The following TENM2 variants were observed in gnomAD, a reference collection of about 807,000 sequenced individuals.
TENM2 encodes teneurin-2.
Under a neutral mutation model 245.2 loss-of-function variants are expected in TENM2, and 52 were observed. That is an observed-to-expected ratio of 0.21 (90% CI 0.17 to 0.27). TENM2 has a LOEUF of 0.27. Ranked by LOEUF, TENM2 falls within the 10% of genes least tolerant of loss-of-function variation. The pLI, the probability that TENM2 is intolerant of heterozygous loss-of-function variation, is 1.00. For missense variants in TENM2, 3,046 were observed against 3,666.8 expected, an observed-to-expected ratio of 0.83 and a Z score of 4.37; for synonymous variants, 1,363 against 1,438.9, an observed-to-expected ratio of 0.95 and a Z score of 1.19.
At position 167,362,690 on chromosome 5, in the gene TENM2, G is replaced by A. The variant is rs1759788705; in HGVS notation, c.227-12508G>A. On this transcript the variant is annotated intron_variant, in intron 1 of 28. Transcript: ENST00000518659. ...TCTCTACTGATATATCATACTTTTT[G>A]TATTTTTATGGAAAAGTAAGATATT... Among the ~76,000 whole-genome samples, 3 of 152,018 alleles carry A rather than the reference G, an allele frequency of 2.0e-5. No homozygotes were observed. In the South Asian group the frequency reaches 6.2e-4, roughly 31 times the overall value.
chr5:167,851,643 A>G (rs1258390801), intron 2 of TENM2, among the ~76,000 whole-genome samples: 3 of 152,220 alleles, frequency 2.0e-5, no homozygotes, highest in Admixed American at 1.3e-4. Context: ...GATTGAGGAC[A>G]TTCCTGTCTT....
chr5:168,151,027 C>A (rs1259690695), intron 12 of TENM2, among the ~76,000 whole-genome samples: 4 of 152,174 alleles, frequency 2.6e-5, no homozygotes, highest in Admixed American at 1.3e-4. Flanking sequence ...TCAAGCCGGA[C>A]ACTCTCACCC....
intron 1 of TENM2, among the ~76,000 whole-genome samples, chr5:167,363,155 C>G (rs1759815733): frequency 6.6e-6 from 1 of 152,140 alleles, no homozygotes; most frequent in African/African-American, 2.4e-5. Context: ...AGTCAGAAAT[C>G]TGAGCATTGA....
chr5:168,256,055 C>G (rs1767625395), intron 27 of TENM2, among the ~76,000 whole-genome samples: 1 of 151,934 alleles, frequency 6.6e-6, no homozygotes, highest in Non-Finnish European at 1.5e-5. Context: ...CTGCCCGCCT[C>G]GGCCTCCCAA....
chr5:168,148,358 G>A (rs1211453774), intron 12 of TENM2, among the ~76,000 whole-genome samples: 1 of 152,178 alleles, frequency 6.6e-6, no homozygotes, highest in Non-Finnish European at 1.5e-5. Flanking sequence ...CAGATTGTTG[G>A]AATTCTGAAT....
intron 19 of TENM2, among the ~76,000 whole-genome samples, chr5:168,206,183 G>A (rs1427669364): frequency 2.6e-5 from 4 of 152,340 alleles, no homozygotes; most frequent in African/African-American, 9.6e-5. Flanking sequence ...ACTTGCATTT[G>A]AGAGTCTCTG....
intron 2 of TENM2, among the ~76,000 whole-genome samples, chr5:167,508,022 G>A (rs2127565164): frequency 6.6e-6 from 1 of 152,160 alleles, no homozygotes. Flanking sequence ...AGCAGATAAA[G>A]ATATACAACT....
rs192467057 is a variant in TENM2 at position 167,952,966 on chromosome 5, C to A, written c.947+144C>A. On this transcript the variant is annotated intron_variant, in intron 4 of 28. Transcript: ENST00000518659. The stretch of plus-strand genomic sequence containing the variant: ...GAGACAAGTTTACCACCTCCTTGTT[C>A]CCTTGGTAATTTGACCCTGGACAGT... 9.3e-5 allele frequency: 63 copies of A among 679,428 alleles called. No individual in the cohort carries two copies. In the African/African-American group the frequency reaches 1.0e-3, roughly 11 times the overall value. 42.1% of individuals were successfully genotyped at this position (679,428 alleles called of 1,614,324 possible). A position where few individuals can be genotyped will look rare whatever the true frequency, so the allele number is the denominator to read the frequency against.
At chr5:167,297,804 GGTT>G (rs1413499412) in intron 1 of TENM2, among the ~76,000 whole-genome samples, 8 of 152,100 alleles carry the variant, frequency 5.3e-5, no homozygotes, top group African/African-American at 1.9e-4. Flanking sequence ...GTCAAAGGGG[GGTT>G]GTTCTCTGGT....
chr5:167,882,408 C>T (rs1773952860), intron 3 of TENM2, among the ~76,000 whole-genome samples: 1 of 152,172 alleles, frequency 6.6e-6, no homozygotes, highest in Admixed American at 6.5e-5. Context: ...AGTTGGAAAA[C>T]TTGAGTTTTC....
chr5:167,662,751 C>A (rs1249612818), intron 2 of TENM2, among the ~76,000 whole-genome samples: 1 of 152,160 alleles, frequency 6.6e-6, no homozygotes, highest in East Asian at 1.9e-4. Context: ...CTTTCTGAAC[C>A]GTTCCTTTGG....
chr5:167,209,783 A>G, the TENM2 span, among the ~76,000 whole-genome samples: 2 of 152,130 alleles, frequency 1.3e-5, no homozygotes, highest in African/African-American at 4.8e-5. Flanking sequence ...TGCTACAGAG[A>G]AAAATTATTT....
the TENM2 span, among the ~76,000 whole-genome samples, chr5:167,018,963 A>G: frequency 6.6e-6 from 1 of 152,182 alleles, no homozygotes; most frequent in Non-Finnish European, 1.5e-5. Flanking sequence ...TTCTAATCTA[A>G]TGTAGCTTCA....
At chr5:167,191,771 A>G in the TENM2 span, among the ~76,000 whole-genome samples, 2 of 152,040 alleles carry the variant, frequency 1.3e-5, no homozygotes, top group African/African-American at 4.8e-5. Context: ...CACTCCCAAT[A>G]GAATCAGGTA....
Position 167,656,019 on chromosome 5 carries a change from G to A in TENM2, c.503-219967G>A, listed in dbSNP as rs192879580. On this transcript the variant is annotated intron_variant, in intron 2 of 28. Coordinates refer to ENST00000518659, the Ensembl canonical transcript of TENM2. ...AAGACCTGCAGTTTCATATTGCGCC[G>A]GGCCTTGTATATTATACAGCTAATC... 1.9e-4 allele frequency among the ~76,000 whole-genome samples: 29 copies of A among 152,144 alleles called. No individual in the cohort carries two copies. The East Asian group carries it at 3.1e-3, about 16-fold the overall frequency.
chr5:168,226,275 C>A lies in TENM2; in HGVS notation c.5284+12C>A. 5.6e-6 allele frequency: 9 copies of A among 1,609,474 alleles called. No homozygotes were observed. The highest frequency in any genetic ancestry group is 7.6e-6 in the Non-Finnish European group (9 of 1,177,040). The stretch of plus-strand genomic sequence containing the variant: ...CACAGTGGTACAAGGTGAGCCTCCA[C>A]CCATACCATCCTACCCCCAAACTCA... On this transcript the variant is annotated intron_variant, in intron 24 of 28. Transcript: ENST00000518659.
chr5:167,514,960 G>A lies in TENM2; in HGVS notation c.502+139487G>A, dbSNP rs148277306. ...CGAGAGGCGGAGGTTGCGGTGAGCC[G>A]AGATCAAGCCATTGCACTCCAGCCT... On this transcript the variant is annotated intron_variant, in intron 2 of 28. Coordinates refer to ENST00000518659, the Ensembl canonical transcript of TENM2. Among the ~76,000 whole-genome samples the A allele has an allele frequency of 1.2e-3, 190 of 152,188 alleles. 4 individuals are homozygous for A. The East Asian group carries it at 0.027, about 21-fold the overall frequency.
rs1467480814 is a variant in TENM2 at position 167,321,800 on chromosome 5, T to TTTTTTTTTG, written c.226+36738_226+36739insTTTTTTTGT. Among the ~76,000 whole-genome samples the TTTTTTTTTG allele has an allele frequency of 1.6e-3, 20 of 12,178 alleles. 1 individual carries two copies. Among genetic ancestry groups the TTTTTTTTTG allele is most frequent in the South Asian group, 4.2e-3 (1 of 238 alleles). The allele number at this position is 12,178 out of a possible 152,430, so 8.0% of individuals were successfully genotyped here. Reference sequence around the variant, plus strand: ...GCCTTGGCTTATTTTTTTTTTTTTTTTGGGGGGGGGGGCGGGGGGGGGGGT... The same window carrying TTTTTTTTTG: ...GCCTTGGCTTATTTTTTTTTTTTTTTTTTTTTTTGTGGGGGGGGGGGCGGGGGGGGGGGT... On this transcript the variant is annotated intron_variant, in intron 1 of 28. Coordinates refer to ENST00000518659, the Ensembl canonical transcript of TENM2.
chr5:167,244,140 A>G, the TENM2 span, among the ~76,000 whole-genome samples: 1 of 152,162 alleles, frequency 6.6e-6, no homozygotes, highest in African/African-American at 2.4e-5. Context: ...TTAGCCAAGA[A>G]CTTATGTCAT....
Sources: allele counts gnomAD v4.1 joint callset (sites outside exome capture counted in the v4.1 genomes callset), GRCh38; gene constraint gnomAD v4.1.1; transcripts MANE v1.5; gene names NCBI Gene and HGNC (gene_info 2026-07-23, HGNC 2026-07-21).